The following NINJ2 variants were observed in gnomAD, a reference collection of about 807,000 sequenced individuals.
NINJ2 encodes the protein ninjurin-2.
Under a neutral mutation model 11.7 loss-of-function variants are expected in NINJ2, and 12 were observed. That is an observed-to-expected ratio of 1.02 (90% CI 0.66 to 1.66). The LOEUF (loss-of-function observed/expected upper bound fraction) is 1.66. Among genes scored for constraint, NINJ2 ranks in the 40% most tolerant of loss-of-function variants. The pLI is 0.00. For synonymous variants in NINJ2, 93 were observed against 76.8 expected, an observed-to-expected ratio of 1.21 and a Z score of -1.10; for missense variants, 187 against 181.8, an observed-to-expected ratio of 1.03 and a Z score of -0.16.
intron 1 of NINJ2, among the ~76,000 whole-genome samples, chr12:646,300 C>T (rs1283643438): frequency 6.6e-6 from 1 of 152,198 alleles, no homozygotes; most frequent in East Asian, 1.9e-4. Context: ...GGAGCGTCCA[C>T]CTCTTGGACT....
intron 1 of NINJ2, among the ~76,000 whole-genome samples, chr12:648,996 G>GTCTGTCTATCTATCTA (rs10633920): frequency 0.02 from 2,995 of 148,984 alleles, 47 homozygotes; most frequent in African/African-American, 0.032. Context: ...CTATCTATCT[G>GTCTGTCTATCTATCTA]TCTATCTATC....
rs894178685 is a variant in NINJ2 at position 605,166 on chromosome 12, G to T, written c.34-38988C>A. Among the ~76,000 whole-genome samples the T allele has an allele frequency of 2.0e-5, 3 of 152,184 alleles. No homozygotes were observed. In the East Asian group the frequency reaches 5.8e-4, roughly 29 times the overall value. ...ACCACGTACATGTCCCTGACAGAATGGGAGTTTCAAAACTCCGCCTTCCCC... is the reference window on the plus strand; with the variant it reads ...ACCACGTACATGTCCCTGACAGAATTGGAGTTTCAAAACTCCGCCTTCCCC... On this transcript the variant is annotated intron_variant, in intron 1 of 3. Coordinates refer to ENST00000305108, the MANE Select transcript of NINJ2 (RefSeq NM_016533.6).
At chr12:653,023 T>G (rs535629576) in intron 1 of NINJ2, among the ~76,000 whole-genome samples, 1 of 139,392 alleles carries the variant, frequency 7.2e-6, no homozygotes, top group Non-Finnish European at 1.6e-5. Context: ...TGTTTCTTTT[T>G]TTTTTTTTTT....
intron 1 of NINJ2, among the ~76,000 whole-genome samples, chr12:593,525 C>T (rs2120880099): frequency 6.6e-6 from 1 of 152,250 alleles, no homozygotes; most frequent in South Asian, 2.1e-4. Flanking sequence ...TGAGACTAGC[C>T]TGGGCAACAG....
chr12:661,319 T>A (rs1441173857), intron 1 of NINJ2, among the ~76,000 whole-genome samples: 1 of 152,202 alleles, frequency 6.6e-6, no homozygotes, highest in Non-Finnish European at 1.5e-5. Context: ...TGAGCTCAAG[T>A]GATCCTCCTG....
At position 608,509 on chromosome 12, in the gene NINJ2, A is replaced by C. The variant is rs1416135666; in HGVS notation, c.34-42331T>G. 2.6e-5 allele frequency among the ~76,000 whole-genome samples: 4 copies of C among 152,194 alleles called. No homozygotes were observed. The East Asian group carries it at 7.7e-4, about 29-fold the overall frequency. ...TACAGATGAGAAAGCTGAGACATAA[A>C]TGAGACATTAAATGAGATTACACAA... On this transcript the variant is annotated intron_variant, in intron 1 of 3. Transcript: ENST00000305108.
intron 1 of NINJ2, among the ~76,000 whole-genome samples, chr12:629,794 G>A (rs1278985961): frequency 6.7e-6 from 1 of 149,088 alleles, no homozygotes; most frequent in Non-Finnish European, 1.5e-5. Context: ...GACTGAGGCA[G>A]GAGAATCACT....
chr12:607,372 TG>T (rs1440878941), intron 1 of NINJ2, among the ~76,000 whole-genome samples: 4 of 150,272 alleles, frequency 2.7e-5, no homozygotes, highest in African/African-American at 9.7e-5. Context: ...ATGATGATGA[TG>T]ATGATGACGA....
chr12:582,240 T>C (rs1290998849), intron 1 of NINJ2, among the ~76,000 whole-genome samples: 1 of 151,290 alleles, frequency 6.6e-6, no homozygotes, highest in Non-Finnish European at 1.5e-5. Flanking sequence ...CAGGAGTGAA[T>C]GAATGAATGG....
chr12:621,985 T>C (rs1380871355), intron 1 of NINJ2, among the ~76,000 whole-genome samples: 2 of 151,370 alleles, frequency 1.3e-5, no homozygotes, highest in Non-Finnish European at 2.9e-5. Context: ...TAGCCAGGCA[T>C]GGTGGCAGGT....
chr12:572,342 C>T (rs1947390212), intron 1 of NINJ2, among the ~76,000 whole-genome samples: 1 of 152,216 alleles, frequency 6.6e-6, no homozygotes, highest in South Asian at 2.1e-4. Flanking sequence ...CTAGCAGGCC[C>T]AGAGGAACAG....
chr12:622,126 A>G (rs1403003939), intron 1 of NINJ2, among the ~76,000 whole-genome samples: 2 of 146,962 alleles, frequency 1.4e-5, no homozygotes, highest in East Asian at 4.0e-4. Context: ...TGTCGGGAAA[A>G]AAAAAAAAAA....
At position 633,324 on chromosome 12, in the gene NINJ2, C is replaced by T. The variant is rs571251877; in HGVS notation, c.33+30004G>A. 7.9e-5 allele frequency among the ~76,000 whole-genome samples: 12 copies of T among 152,182 alleles called. No individual in the cohort carries two copies. Among genetic ancestry groups the T allele is most frequent in the African/African-American group, 2.7e-4 (11 of 41,496 alleles). ...ACCAACTTGGCCAACATGGTGAAACCCTGTCTCTACTAAAAATACAAAAAT... is the reference window on the plus strand; with the variant it reads ...ACCAACTTGGCCAACATGGTGAAACTCTGTCTCTACTAAAAATACAAAAAT... On this transcript the variant is annotated intron_variant, in intron 1 of 3. Coordinates refer to ENST00000305108, the MANE Select transcript of NINJ2 (RefSeq NM_016533.6). The surrounding 1 kb of genome is among the most constrained non-coding windows in gnomAD (Gnocchi z 4.3).
chr12:649,323 A>G (rs911494613), intron 1 of NINJ2, among the ~76,000 whole-genome samples: 1 of 152,090 alleles, frequency 6.6e-6, no homozygotes, highest in African/African-American at 2.4e-5. Context: ...TTGGGATTAC[A>G]GATATGAGCC....
chr12:593,056 G>A (rs777127419), intron 1 of NINJ2, among the ~76,000 whole-genome samples: 3 of 151,972 alleles, frequency 2.0e-5, no homozygotes, highest in Non-Finnish European at 4.4e-5. Flanking sequence ...AAAATGAACA[G>A]ACAAAAGTAG....
At chr12:572,923 C>T (rs530697129) in intron 1 of NINJ2, among the ~76,000 whole-genome samples, 49 of 138,726 alleles carry the variant, frequency 3.5e-4, no homozygotes, top group Admixed American at 5.5e-4. Context: ...GTGGCACAAT[C>T]TCAGCTCACT....
intron 1 of NINJ2, among the ~76,000 whole-genome samples, chr12:655,266 T>C (rs1261065491): frequency 6.6e-6 from 1 of 152,194 alleles, no homozygotes; most frequent in East Asian, 1.9e-4. Context: ...GTAAATGCAA[T>C]GTAGTTCCTT....
chr12:652,361 C>T (rs886246502), intron 1 of NINJ2, among the ~76,000 whole-genome samples: 1 of 152,134 alleles, frequency 6.6e-6, no homozygotes, highest in African/African-American at 2.4e-5. Context: ...AAGACTTTCT[C>T]AGACAAACAA....
At chr12:592,637 T>C (rs1390176381) in intron 1 of NINJ2, among the ~76,000 whole-genome samples, 1 of 152,004 alleles carries the variant, frequency 6.6e-6, no homozygotes, top group Non-Finnish European at 1.5e-5. Context: ...GAGGTGGAGG[T>C]TGCAGTGAGC....
Sources: allele counts gnomAD v4.1 joint callset (sites outside exome capture counted in the v4.1 genomes callset), GRCh38; gene constraint gnomAD v4.1.1; non-coding constraint Gnocchi (gnomAD v3.1); transcripts MANE v1.5; gene names NCBI Gene and HGNC (gene_info 2026-07-23, HGNC 2026-07-21).